The following TBXAS1 variants were observed in gnomAD, a reference collection of about 807,000 sequenced individuals.
TBXAS1 encodes the protein thromboxane-A synthase.
TBXAS1 carries 48 observed loss-of-function variants against 60.7 expected under a neutral mutation model. That is an observed-to-expected ratio of 0.79 (90% CI 0.63 to 1.01). The LOEUF (loss-of-function observed/expected upper bound fraction) is 1.01, where lower values mean the gene tolerates loss of function less well. Ranked by LOEUF, TBXAS1 falls within the 50% of genes least tolerant of loss-of-function variation. The probability of loss-of-function intolerance (pLI) is 0.00; values close to 1 mark genes in which losing one functional copy is unlikely to be tolerated. For synonymous variants in TBXAS1, 287 were observed against 269.7 expected (o/e 1.06, Z -0.63); for missense variants, 685 against 686.3 (o/e 1.00, Z 0.02).
At chr7:139,831,846 C>T (rs998023538) in intron 1 of TBXAS1, among the ~76,000 whole-genome samples, 3 of 152,140 alleles carry the variant, frequency 2.0e-5, no homozygotes, top group East Asian at 1.9e-4. Context: ...GCAGGAGAAT[C>T]GCTTCAACCT....
rs931442940 is a variant in TBXAS1 at position 139,890,253 on chromosome 7, T to C, written c.236+14616T>C. Among the ~76,000 whole-genome samples the C allele has an allele frequency of 5.5e-4, 72 of 130,514 alleles. No individual in the cohort carries two copies. The East Asian group carries it at 0.011, about 20-fold the overall frequency. 85.6% of individuals were successfully genotyped at this position (130,514 alleles called of 152,430 possible). On this transcript the variant is annotated intron_variant, in intron 3 of 12. Coordinates refer to ENST00000448866, the MANE Select transcript of TBXAS1 (RefSeq NM_001061.7). ...TTTTTTGAGACAGAGTCTCGTTTTG[T>C]CGCCCAGGCTGGAGTGCTGTGGCGC...
At position 140,019,301 on chromosome 7, in the gene TBXAS1, G is replaced by C. The variant is rs189958952; in HGVS notation, c.1528-724G>C. ...GAGCCAAACCAAGTGAGGTCAAGGG[G>C]CAGACGGAGGAGCAGCCCCACTGCA... On this transcript the variant is annotated intron_variant, in intron 12 of 12. Coordinates refer to ENST00000448866, the MANE Select transcript of TBXAS1 (RefSeq NM_001061.7). Among the ~76,000 whole-genome samples, 1,041 of 152,298 alleles carry C rather than the reference G, an allele frequency of 6.8e-3. 5 individuals carry two copies. The highest frequency in any genetic ancestry group is 0.012 in the Non-Finnish European group (800 of 68,020).
At chr7:139,965,195 G>A (rs1810686729) in intron 9 of TBXAS1, among the ~76,000 whole-genome samples, 1 of 151,636 alleles carries the variant, frequency 6.6e-6, no homozygotes, top group Admixed American at 6.6e-5. Context: ...TCCAGCCTGG[G>A]CAATAAGAAA....
chr7:139,937,740 T>C (rs1807908462), intron 5 of TBXAS1, among the ~76,000 whole-genome samples: 1 of 152,174 alleles, frequency 6.6e-6, no homozygotes, highest in African/African-American at 2.4e-5. Context: ...CCAAGTCTCA[T>C]AGCTAGTAAG....
At chr7:139,931,167 A>G (rs1807298817) in intron 4 of TBXAS1, among the ~76,000 whole-genome samples, 1 of 152,150 alleles carries the variant, frequency 6.6e-6, no homozygotes, top group Non-Finnish European at 1.5e-5. Context: ...CTGACGTTAA[A>G]TGCTCCTCTG....
intron 4 of TBXAS1, among the ~76,000 whole-genome samples, chr7:139,921,977 C>A (rs73158670): frequency 8.5e-5 from 13 of 152,238 alleles, no homozygotes; most frequent in South Asian, 2.1e-4. Flanking sequence ...CCTTAGCCAG[C>A]ACTTTCATCT....
chr7:139,879,357 C>G (rs1802504596), intron 3 of TBXAS1, among the ~76,000 whole-genome samples: 1 of 152,178 alleles, frequency 6.6e-6, no homozygotes, highest in Admixed American at 6.5e-5. Flanking sequence ...GATACCTATA[C>G]AGCTATTAGT....
intron 9 of TBXAS1, among the ~76,000 whole-genome samples, chr7:139,991,295 C>T (rs1166461652): frequency 3.9e-5 from 6 of 152,224 alleles, no homozygotes; most frequent in Non-Finnish European, 1.5e-5. Flanking sequence ...CATCCCTACC[C>T]CATGCAGGTC....
chr7:139,829,100 G>C (rs188949339), upstream of TBXAS1: 1 of 492,614 alleles, frequency 2.0e-6, no homozygotes, highest in Admixed American at 2.6e-5. Flanking sequence ...GGGGAAGTTT[G>C]CTTTTCTTCT....
chr7:139,857,374 A>G (rs1431391754), intron 1 of TBXAS1, among the ~76,000 whole-genome samples: 1 of 152,076 alleles, frequency 6.6e-6, no homozygotes, highest in Non-Finnish European at 1.5e-5. Context: ...ATCCTATAAA[A>G]GAGTTTTTGG....
At chr7:139,951,742 CA>C (rs1809292555) in intron 5 of TBXAS1, among the ~76,000 whole-genome samples, 1 of 145,194 alleles carries the variant, frequency 6.9e-6, no homozygotes, top group South Asian at 2.2e-4. Flanking sequence ...CACTGCACTC[CA>C]GCCTGGGCAA....
rs1182413015 is a variant in TBXAS1, at chr7:139,975,884, C to T, written c.1134+13651C>T. ...CCCTACCTCCCTGACGCTTAACCCA[C>T]ATAGGGAAGAACATTCCTGAAACAG... On this transcript the variant is annotated intron_variant, in intron 9 of 12. Coordinates refer to ENST00000448866, the MANE Select transcript of TBXAS1 (RefSeq NM_001061.7). The surrounding 1 kb of genome is among the most constrained non-coding windows in gnomAD (Gnocchi z 4.4). 6.6e-6 allele frequency among the ~76,000 whole-genome samples: 1 copy of T among 152,232 alleles called. No homozygotes were observed. The highest frequency in any genetic ancestry group is 6.5e-5 in the Admixed American group (1 of 15,294).
intron 4 of TBXAS1, among the ~76,000 whole-genome samples, chr7:139,918,256 A>G (rs1584851742): frequency 6.6e-6 from 1 of 152,098 alleles, no homozygotes. Context: ...CTGATTCTCA[A>G]TTTCCTCCTG....
At chr7:139,934,922 C>T (rs1352042157) in intron 4 of TBXAS1, among the ~76,000 whole-genome samples, 2 of 152,034 alleles carry the variant, frequency 1.3e-5, no homozygotes, top group East Asian at 3.9e-4. Flanking sequence ...GAGCAATTCT[C>T]CCTGCCTCAG....
chr7:140,002,798 A>C (rs2116353545), intron 9 of TBXAS1, among the ~76,000 whole-genome samples: 1 of 152,240 alleles, frequency 6.6e-6, no homozygotes, highest in East Asian at 1.9e-4. Context: ...AGTAGGGCCC[A>C]AGCATCCATC....
In TBXAS1 at chr7:139,853,386, A is replaced by C. The variant is rs190350781; in HGVS notation, c.90-18849A>C. On this transcript the variant is annotated intron_variant, in intron 1 of 12. Coordinates refer to ENST00000448866, the MANE Select transcript of TBXAS1 (RefSeq NM_001061.7). ...TGGTAATGGTGAGCACAGACTCCAG[A>C]GCCAGACAGCCTGGGTTCGAATCTC... Among the ~76,000 whole-genome samples, 330 of 152,314 alleles carry C rather than the reference A, an allele frequency of 2.2e-3. 7 individuals carry two copies. The highest frequency in any genetic ancestry group is 0.019 in the Admixed American group (297 of 15,308).
chr7:139,974,913 A>T (rs1408136401), intron 9 of TBXAS1, among the ~76,000 whole-genome samples: 1 of 152,250 alleles, frequency 6.6e-6, no homozygotes, highest in Non-Finnish European at 1.5e-5. Context: ...GGGGAAAGAA[A>T]GGCTGGATTA....
At chr7:139,966,912 G>C (rs574051926) in intron 9 of TBXAS1, among the ~76,000 whole-genome samples, 1 of 152,266 alleles carries the variant, frequency 6.6e-6, no homozygotes, top group East Asian at 1.9e-4. Context: ...TCCAGGAGTG[G>C]GGCCTGTGAA....
At chr7:139,907,594 T>C (rs1470052897) in intron 3 of TBXAS1, among the ~76,000 whole-genome samples, 2 of 152,104 alleles carry the variant, frequency 1.3e-5, no homozygotes, top group African/African-American at 2.4e-5. Context: ...TGTTAATTCT[T>C]CTTTTAATAT....
Sources: gnomAD v4.1 joint callset for allele counts (sites outside exome capture counted in the v4.1 genomes callset) on GRCh38, gnomAD v4.1.1 for gene constraint, Gnocchi (gnomAD v3.1) non-coding constraint, MANE v1.5 for transcripts, NCBI Gene and HGNC (gene_info 2026-07-23, HGNC 2026-07-21) for gene names.